Variants in PPFIA2 observed in about 807,000 individuals in gnomAD.
PPFIA2 encodes the protein PPFI scaffold protein A2, also known as liprin-alpha-2.
PPFIA2 carries 46 observed loss-of-function variants against 175.5 expected under a neutral mutation model. The ratio of observed to expected loss-of-function variants is 0.26; its 90% CI spans 0.21 to 0.34. The LOEUF (loss-of-function observed/expected upper bound fraction) is 0.34. Among genes scored for constraint, PPFIA2 ranks in the 10% least tolerant of loss-of-function variants. The pLI, the probability that PPFIA2 is intolerant of heterozygous loss-of-function variation, is 1.00. For synonymous variants in PPFIA2, 568 were observed against 511.4 expected, an observed-to-expected ratio of 1.11 and a Z score of -1.49; for missense variants, 1,179 against 1,506.1, an observed-to-expected ratio of 0.78 and a Z score of 3.60.
intron 4 of PPFIA2, among the ~76,000 whole-genome samples, chr12:81,562,857 A>G (rs1267580661): frequency 6.8e-6 from 1 of 147,612 alleles, no homozygotes; most frequent in East Asian, 2.3e-4. Flanking sequence ...AAAAAAAAAA[A>G]AAAAAAAAAA....
At chr12:81,594,023 C>T (rs2058977197) in intron 4 of PPFIA2, among the ~76,000 whole-genome samples, 1 of 152,098 alleles carries the variant, frequency 6.6e-6, no homozygotes, top group African/African-American at 2.4e-5. Flanking sequence ...CCTGTCAGAT[C>T]AGTGGTGGCA....
intron 27 of PPFIA2, chr12:81,279,278 T>C (rs940026875): frequency 6.6e-6 from 1 of 152,152 alleles, no homozygotes; most frequent in Non-Finnish European, 1.5e-5. Context: ...GCTGATTCCT[T>C]GATCTTGAAC....
chr12:81,588,232 C>G lies in PPFIA2; in HGVS notation c.303+88559G>C, dbSNP rs527462287. ...AAGTATTTATAAAATAAAGCTAATA[C>G]ACACATTTAGGAGTCAGGAGTATCT... On this transcript the variant is annotated intron_variant, in intron 4 of 32. Coordinates refer to ENST00000549396, the MANE Select transcript of PPFIA2 (RefSeq NM_003625.5). Among the ~76,000 whole-genome samples the G allele has an allele frequency of 2.0e-5, 3 of 152,050 alleles. No individual in the cohort carries two copies. In the South Asian group the frequency reaches 6.2e-4, roughly 32 times the overall value.
chr12:81,530,752 GAA>G (rs796160621), intron 4 of PPFIA2, among the ~76,000 whole-genome samples: 3 of 140,962 alleles, frequency 2.1e-5, no homozygotes, highest in African/African-American at 5.1e-5. Context: ...ATAAAAAAGA[GAA>G]AAAAAAAAAC....
intron 7 of PPFIA2, among the ~76,000 whole-genome samples, chr12:81,418,674 C>A (rs1228148960): frequency 6.6e-6 from 1 of 151,750 alleles, no homozygotes; most frequent in Non-Finnish European, 1.5e-5. Flanking sequence ...TTGCTGATAC[C>A]TGGTCTAGTG....
At chr12:81,549,040 T>C (rs1223596613) in intron 4 of PPFIA2, among the ~76,000 whole-genome samples, 2 of 152,056 alleles carry the variant, frequency 1.3e-5, no homozygotes, top group African/African-American at 4.8e-5. Flanking sequence ...GAGAAATAAA[T>C]AGTAAAAATT....
intron 4 of PPFIA2, among the ~76,000 whole-genome samples, chr12:81,480,102 G>T (rs958562501): frequency 6.6e-6 from 1 of 151,908 alleles, no homozygotes; most frequent in Non-Finnish European, 1.5e-5. Flanking sequence ...GGCTTTGTTT[G>T]TTGCTTTTCT....
At chr12:81,440,123 C>A (rs1048007282) in intron 6 of PPFIA2, 77 bp from the exon 7 acceptor site, 3 of 1,059,574 alleles carry the variant, frequency 2.8e-6, no homozygotes, top group Non-Finnish European at 4.0e-6. Flanking sequence ...TAATTAACAT[C>A]ATCAGAGACA....
intron 4 of PPFIA2, among the ~76,000 whole-genome samples, chr12:81,624,827 G>C (rs1292187826): frequency 6.6e-6 from 1 of 150,648 alleles, no homozygotes; most frequent in East Asian, 1.9e-4. Context: ...GACTCAGAAG[G>C]GGGAGGGTGG....
intron 3 of PPFIA2, among the ~76,000 whole-genome samples, chr12:81,690,381 C>A (rs2075082161): frequency 6.6e-6 from 1 of 151,990 alleles, no homozygotes; most frequent in Non-Finnish European, 1.5e-5. Flanking sequence ...GCATTATTGG[C>A]AAATTAGGCA....
At chr12:81,261,913 C>CTTT in intron 32 of PPFIA2, 36 bp downstream of exon 32, 1 of 1,087,820 alleles carries the variant, frequency 9.2e-7, no homozygotes, top group South Asian at 1.7e-5. Flanking sequence ...ATTTTTTTGT[C>CTTT]TTTTTTTTTT....
rs116891210 is a variant in PPFIA2, at chr12:81,507,125, T to A, written c.304-49259A>T. Among the ~76,000 whole-genome samples, 749 of 152,316 alleles carry A rather than the reference T, an allele frequency of 4.9e-3. 3 individuals carry two copies. The highest frequency in any genetic ancestry group is 8.4e-3 in the Non-Finnish European group (569 of 68,012). ...AGCAATGCTGGCTGACAGAAATGCT[T>A]ATCTAGACACTAGACTTCCATTCAT... On this transcript the variant is annotated intron_variant, in intron 4 of 32. Coordinates refer to ENST00000549396, the MANE Select transcript of PPFIA2 (RefSeq NM_003625.5).
chr12:81,727,512 TA>T (rs1196466057), intron 3 of PPFIA2, among the ~76,000 whole-genome samples: 6 of 151,368 alleles, frequency 4.0e-5, no homozygotes, highest in African/African-American at 1.5e-4. Flanking sequence ...TGGGGATCTC[TA>T]CTTTTGCTAC....
Position 81,268,057 on chromosome 12 carries a change from A to G in PPFIA2, c.3341T>C (p.Ile1114Thr). The change falls in exon 29 of 33, where the codon ATT (isoleucine) becomes ACT (threonine). Residue 1114 changes from isoleucine (I) to threonine (T), a missense_variant. Ile to Thr is a moderately conservative substitution (Grantham distance 89, BLOSUM62 -1). Around this residue, in one of 10 missense-constraint regions of PPFIA2, gnomAD observed 245 missense variants for 375.1 expected, o/e 0.65. Transcript: ENST00000549396. ...AAGTCCAATTGCTTGTATCCAGCGA[A>G]TAACTCGGTCATTGCTCCACACCAA... ...DVLVWSNDRV[I>T]RWIQAIGLRE... 1 of 1,598,794 alleles carries G rather than the reference A, an allele frequency of 6.3e-7. No homozygotes were observed. Among genetic ancestry groups the G allele is most frequent in the Non-Finnish European group, 8.5e-7 (1 of 1,171,748 alleles).
chr12:81,604,374 G>C (rs191550162), intron 4 of PPFIA2, among the ~76,000 whole-genome samples: 1 of 151,324 alleles, frequency 6.6e-6, no homozygotes, highest in Non-Finnish European at 1.5e-5. Context: ...ACTTAATCTG[G>C]TCATCATCCT....
intron 4 of PPFIA2, among the ~76,000 whole-genome samples, chr12:81,524,824 C>T (rs2063558209): frequency 6.6e-6 from 1 of 152,110 alleles, no homozygotes; most frequent in Non-Finnish European, 1.5e-5. Context: ...CCCTAACCTC[C>T]AAGGTGATGG....
At chr12:81,648,469 A>G (rs2066502239) in intron 4 of PPFIA2, among the ~76,000 whole-genome samples, 1 of 152,098 alleles carries the variant, frequency 6.6e-6, no homozygotes, top group Admixed American at 6.5e-5. Context: ...TAAAATATTA[A>G]AACAATTTTG....
At chr12:81,361,471 G>A (rs1343399292) in intron 15 of PPFIA2, among the ~76,000 whole-genome samples, 1 of 151,580 alleles carries the variant, frequency 6.6e-6, no homozygotes, top group Non-Finnish European at 1.5e-5. Flanking sequence ...ACTTACATAT[G>A]TAAAAGTTCT....
chr12:81,637,236 ATTTTTTTTTTTTTTTTTTTTTTTTTT>A (rs71098156), intron 4 of PPFIA2, among the ~76,000 whole-genome samples: 8 of 65,920 alleles, frequency 1.2e-4, no homozygotes, highest in South Asian at 6.3e-4. Context: ...CGCCAGGCTA[ATTTTTTTTTTTTTTTTTTTTTTTTTT>A]TTTTTTTTTT....
Sources: gnomAD v4.1 joint callset for allele counts (sites outside exome capture counted in the v4.1 genomes callset) on GRCh38, gnomAD v4.1.1 for gene constraint, gnomAD v4.1.1 regional missense constraint, MANE v1.5 for transcripts, NCBI Gene and HGNC (gene_info 2026-07-23, HGNC 2026-07-21) for gene names.